Variants in PCBP3 observed in about 807,000 individuals in gnomAD.
PCBP3 encodes the protein poly(rC) binding protein 3.
A neutral mutation model predicts 52.7 loss-of-function variants in PCBP3; 25 were observed. That is an observed-to-expected ratio of 0.47 (90% CI 0.35 to 0.66). The LOEUF is 0.66. Ranked by LOEUF, PCBP3 falls within the 30% of genes least tolerant of loss-of-function variation. The pLI, the probability that PCBP3 is intolerant of heterozygous loss-of-function variation, is 0.01. For synonymous variants in PCBP3, 162 were observed against 183.0 expected (o/e 0.89, Z 0.93); for missense variants, 391 against 490.3 (o/e 0.80, Z 1.91).
At chr21:45,863,826 G>A (rs908817764) in intron 5 of PCBP3, among the ~76,000 whole-genome samples, 7 of 152,194 alleles carry the variant, frequency 4.6e-5, no homozygotes, top group African/African-American at 9.7e-5. Context: ...TGGCTTCGAC[G>A]GGAGTCCCAG....
intron 5 of PCBP3, among the ~76,000 whole-genome samples, chr21:45,886,887 C>T (rs1197995327): frequency 1.3e-5 from 2 of 152,230 alleles, no homozygotes; most frequent in African/African-American, 4.8e-5. Context: ...AGCCTCTTGA[C>T]AGCCTGGTGA....
intron 9 of PCBP3, chr21:45,901,465 A>C: frequency 1.5e-5 from 4 of 260,300 alleles, no homozygotes; most frequent in South Asian, 9.5e-5. Context: ...CCACACCAGC[A>C]CCTCCAGCCT....
chr21:45,693,237 T>C (rs2082585166), intron 2 of PCBP3, among the ~76,000 whole-genome samples: 1 of 152,154 alleles, frequency 6.6e-6, no homozygotes, highest in African/African-American at 2.4e-5. Context: ...GGCAAGGATG[T>C]CTACTCTTGC....
intron 4 of PCBP3, among the ~76,000 whole-genome samples, chr21:45,825,775 G>C (rs1314288064): frequency 6.6e-6 from 1 of 152,160 alleles, no homozygotes; most frequent in East Asian, 1.9e-4. Context: ...GCAGGGCATC[G>C]AGGTTGCCCC....
intron 5 of PCBP3, among the ~76,000 whole-genome samples, chr21:45,890,897 A>C (rs1428874829): frequency 6.8e-6 from 1 of 146,592 alleles, no homozygotes; most frequent in Non-Finnish European, 1.5e-5. Flanking sequence ...TGCACTGCTG[A>C]GGGGAATGTA....
rs1243837894 is a variant in PCBP3 at position 45,752,672 on chromosome 21, C to T, written c.-161-2745C>T. 2.0e-5 allele frequency among the ~76,000 whole-genome samples: 3 copies of T among 151,874 alleles called. No individual in the cohort carries two copies. In the East Asian group the frequency reaches 5.8e-4, roughly 29 times the overall value. ...TTAAGTATTTTAGTTTCTAAGTTCA[C>T]TGCATTGTGGACCAGGTGATCTCTG... On this transcript the variant is annotated intron_variant, in intron 3 of 17. Coordinates refer to ENST00000681687, the MANE Select transcript of PCBP3 (RefSeq NM_001384156.1).
intron 9 of PCBP3, among the ~76,000 whole-genome samples, chr21:45,902,857 CCAGGG>C (rs1484682074): frequency 6.6e-6 from 1 of 152,372 alleles, no homozygotes; most frequent in African/African-American, 2.4e-5. Flanking sequence ...CGTCTTCCAC[CCAGGG>C]CAGGCGGTGT....
intron 3 of PCBP3, among the ~76,000 whole-genome samples, chr21:45,751,891 G>A (rs879662514): frequency 8.5e-5 from 13 of 152,152 alleles, no homozygotes; most frequent in Middle Eastern, 3.2e-3. Context: ...GAGTGAAGTA[G>A]AGCACCTTTT....
At chr21:45,918,084 C>A in intron 13 of PCBP3, 1 of 231,350 alleles carries the variant, frequency 4.3e-6, no homozygotes, top group South Asian at 6.0e-5. Context: ...TCAGAGTCCA[C>A]ATGAAAACAT....
intron 4 of PCBP3, among the ~76,000 whole-genome samples, chr21:45,777,643 C>T (rs2145958131): frequency 6.6e-6 from 1 of 152,130 alleles, no homozygotes; most frequent in African/African-American, 2.4e-5. Context: ...TGGATTATTT[C>T]CAAGGACTTG....
intron 2 of PCBP3, among the ~76,000 whole-genome samples, chr21:45,682,158 T>C (rs2081893329): frequency 6.6e-6 from 1 of 152,158 alleles, no homozygotes; most frequent in Non-Finnish European, 1.5e-5. Context: ...CCTTTTCTGG[T>C]CAAAACTAGG....
At chr21:45,749,192 C>G (rs2087189250) in intron 3 of PCBP3, among the ~76,000 whole-genome samples, 1 of 152,084 alleles carries the variant, frequency 6.6e-6, no homozygotes, top group Admixed American at 6.5e-5. Flanking sequence ...GAATCCAGCC[C>G]ATAGTTGCCC....
At chr21:45,648,447 C>A (rs192250506) in intron 1 of PCBP3, among the ~76,000 whole-genome samples, 1 of 152,226 alleles carries the variant, frequency 6.6e-6, no homozygotes, top group East Asian at 1.9e-4. Flanking sequence ...AATCCCACTT[C>A]CAGTCTCTCT....
chr21:45,707,409 G>A (rs1385359323), intron 2 of PCBP3, among the ~76,000 whole-genome samples: 1 of 152,084 alleles, frequency 6.6e-6, no homozygotes, highest in Non-Finnish European at 1.5e-5. Flanking sequence ...CCAGCTACTC[G>A]GAAGGCTGAG....
chr21:45,659,075 A>G (rs1304635400), intron 1 of PCBP3, among the ~76,000 whole-genome samples: 2 of 140,274 alleles, frequency 1.4e-5, no homozygotes, highest in Non-Finnish European at 3.1e-5. Context: ...TGTCAGTTTC[A>G]TTGGTCTTTT....
intron 5 of PCBP3, among the ~76,000 whole-genome samples, chr21:45,890,049 G>A (rs2095614664): frequency 6.6e-6 from 1 of 152,234 alleles, no homozygotes; most frequent in African/African-American, 2.4e-5. Context: ...CCCATGCCAG[G>A]GGCTGGGACT....
chr21:45,925,688 A>C (rs1237087068), intron 13 of PCBP3, among the ~76,000 whole-genome samples: 2 of 152,228 alleles, frequency 1.3e-5, no homozygotes, highest in East Asian at 1.9e-4. Context: ...CAATATTAAC[A>C]TCAGTAGGGG....
At chr21:45,664,020 C>CT (rs35607838) in intron 1 of PCBP3, among the ~76,000 whole-genome samples, 89,530 of 132,458 alleles carry the variant, frequency 0.68, 29,519 homozygotes, top group Non-Finnish European at 0.75. Flanking sequence ...CTTTTTTTTT[C>CT]TTTTTTTTTT....
chr21:45,860,397 T>C (rs2094464819), intron 5 of PCBP3, among the ~76,000 whole-genome samples: 1 of 152,218 alleles, frequency 6.6e-6, no homozygotes, highest in Non-Finnish European at 1.5e-5. Flanking sequence ...CTAACAGCAG[T>C]TAGGACTGTG....
Sources: gnomAD v4.1 joint callset for allele counts (sites outside exome capture counted in the v4.1 genomes callset) on GRCh38, gnomAD v4.1.1 for gene constraint, MANE v1.5 for transcripts, NCBI Gene and HGNC (gene_info 2026-07-23, HGNC 2026-07-21) for gene names.